MYO18A: variants seen among roughly 807,000 people sequenced by gnomAD.
MYO18A encodes myosin XVIIIA.
MYO18A carries 78 observed loss-of-function variants against 235.8 expected under a neutral mutation model. The observed-to-expected ratio is 0.33, with a 90% confidence interval of 0.28 to 0.40. MYO18A has a LOEUF of 0.40. MYO18A is among the 10% of genes least tolerant of loss of function. The pLI is 1.00. For synonymous variants in MYO18A, 977 were observed against 1,077.8 expected (o/e 0.91, Z 1.83); for missense variants, 2,215 against 2,699.3 (o/e 0.82, Z 3.98).
chr17:29,108,787 G>A (rs535187715), intron 19 of MYO18A, among the ~76,000 whole-genome samples: 1 of 146,848 alleles, frequency 6.8e-6, no homozygotes, highest in Admixed American at 6.9e-5. Context: ...CTGGACGCCT[G>A]GCATCTTAAT....
At chr17:29,084,327 A>G (rs1289011212) in intron 40 of MYO18A, among the ~76,000 whole-genome samples, 3 of 152,210 alleles carry the variant, frequency 2.0e-5, no homozygotes, top group Non-Finnish European at 4.4e-5. Context: ...CAGGGGACAG[A>G]CAGTTGTGGG....
chr17:29,129,263 C>A, intron 2 of MYO18A: 1 of 232,302 alleles, frequency 4.3e-6, no homozygotes, highest in Non-Finnish European at 7.1e-6. Flanking sequence ...CAGGAAGCTT[C>A]CACTTCAGCC....
rs559581636 is a variant in MYO18A, at chr17:29,140,459, C to T, written c.1000-18206G>A. The T allele has an allele frequency of 4.1e-6, 5 of 1,218,346 alleles. No individual in the cohort carries two copies. Among genetic ancestry groups the T allele is most frequent in the Non-Finnish European group, 5.2e-6 (5 of 953,168 alleles). The allele number at this position is 1,218,346 out of a possible 1,614,324, so 75.5% of individuals were successfully genotyped here. On this transcript the variant is annotated intron_variant, in intron 2 of 41. Transcript: ENST00000527372. The surrounding 1 kb of genome is among the most constrained non-coding windows in gnomAD (Gnocchi z 4.2). ...CCCCGCCCAGTTCCCGCCCTCTCCC[C>T]GGCCCCTCCCGTCCCGAGCTGCCCA...
intron 18 of MYO18A, 105 bp from the exon 19 acceptor site, chr17:29,110,206 C>T (rs2066895815): frequency 6.8e-7 from 1 of 1,467,068 alleles, no homozygotes; most frequent in South Asian, 1.3e-5. Context: ...GCAGCGGCCC[C>T]AGCACCAGCC....
In MYO18A at chr17:29,107,156, C is replaced by T. The variant is rs780161975; in HGVS notation, c.3365G>A (p.Arg1122His). Residue 1122 changes from arginine to histidine, a missense_variant, in exon 20 of 42, where the codon CGC (arginine) becomes CAC (histidine). Physicochemically the swap from Arg to His is conservative, Grantham distance 29. Transcript: ENST00000527372. ...YPDHMVFSEFRRRFDVLAPHL... is the reference protein window; with the variant it reads ...YPDHMVFSEFHRRFDVLAPHL... The stretch of plus-strand genomic sequence containing the variant: ...CGGGGCCAGGACATCAAAGCGGCGG[C>T]GGAACTCGGAAAACACCATGTGGTC... The T allele has an allele frequency of 2.9e-5, 46 of 1,613,840 alleles. No individual in the cohort carries two copies. Among genetic ancestry groups the T allele is most frequent in the African/African-American group, 1.3e-4 (10 of 74,894 alleles).
At chr17:29,103,564 G>GTGCC (rs2066708674) in intron 21 of MYO18A, 35 bp downstream of exon 21, 2 of 1,607,588 alleles carry the variant, frequency 1.2e-6, no homozygotes, top group African/African-American at 2.7e-5. Context: ...GGCCCCTGGA[G>GTGCC]TGAGGCCCGA....
intron 40 of MYO18A, 70 bp from the exon 41 acceptor site, chr17:29,082,508 G>T (rs2152724584): frequency 3.3e-6 from 5 of 1,526,314 alleles, no homozygotes; most frequent in East Asian, 4.8e-5. Context: ...AGCAGATGGG[G>T]GTGCAGGGGG....
At chr17:29,076,980 C>T (rs1568031976) in intron 41 of MYO18A, 1 of 152,274 alleles carries the variant, frequency 6.6e-6, no homozygotes, top group South Asian at 2.1e-4. Context: ...CATTGCCTCA[C>T]CTCTTTTTAA....
intron 2 of MYO18A, among the ~76,000 whole-genome samples, chr17:29,127,569 G>A (rs115096389): frequency 6.2e-4 from 94 of 152,312 alleles, no homozygotes; most frequent in African/African-American, 2.2e-3. Flanking sequence ...TCAAGCTGGC[G>A]CCATGTAGCT....
intron 2 of MYO18A, among the ~76,000 whole-genome samples, chr17:29,154,098 CAG>C (rs1491408615): frequency 4.0e-5 from 5 of 124,208 alleles, no homozygotes; most frequent in South Asian, 2.5e-4. Flanking sequence ...CTAAATTCTG[CAG>C]AGTGTGTGTG....
At chr17:29,127,865 C>G (rs1348920295) in intron 2 of MYO18A, 2 of 989,160 alleles carry the variant, frequency 2.0e-6, no homozygotes, top group African/African-American at 1.7e-5. Context: ...CTGCTTCACA[C>G]CAGGGACTGG....
intron 37 of MYO18A, among the ~76,000 whole-genome samples, chr17:29,089,754 G>C (rs190347108): frequency 1.3e-4 from 20 of 152,238 alleles, no homozygotes; most frequent in Non-Finnish European, 2.6e-4. Flanking sequence ...CACGGAAACA[G>C]AATGTAAAGC....
chr17:29,118,571 A>C lies in MYO18A; in HGVS notation c.1830-131T>G. The C allele has an allele frequency of 1.3e-6, 1 of 773,282 alleles. No individual in the cohort carries two copies. The highest frequency in any genetic ancestry group is 2.1e-6 in the Non-Finnish European group (1 of 470,826). The allele number at this position is 773,282 out of a possible 1,614,324, so 47.9% of individuals were successfully genotyped here. A position where few individuals can be genotyped will look rare whatever the true frequency, so the allele number is the denominator to read the frequency against. ...TCTGCCCATCATCCCATCATCCCCA[A>C]CTGGCGGGCCAGCTGTCACTGCTTT... On this transcript the variant is annotated intron_variant, in intron 8 of 41. Transcript: ENST00000527372. This position sits in a 1 kb window ranked among gnomAD's most constrained non-coding sequence, Gnocchi z 4.2.
In MYO18A at chr17:29,103,069, G is replaced by A. The variant is rs1246600904; in HGVS notation, c.3507+530C>T. On this transcript the variant is annotated intron_variant, in intron 21 of 41. Coordinates refer to ENST00000527372, the MANE Select transcript of MYO18A (RefSeq NM_078471.4). ...GTGACGTGGCAGACTGGCACCCAGG[G>A]GCCAGCGTGCCTGCATTTTACGCAT... Among the ~76,000 whole-genome samples, 2 of 152,254 alleles carry A rather than the reference G, an allele frequency of 1.3e-5. 1 individual carries two copies. The highest frequency in any genetic ancestry group is 4.8e-5 in the African/African-American group (2 of 41,462).
intron 2 of MYO18A, among the ~76,000 whole-genome samples, chr17:29,129,665 G>A (rs776493363): frequency 1.3e-5 from 2 of 152,236 alleles, no homozygotes; most frequent in Non-Finnish European, 2.9e-5. Flanking sequence ...ACTGGGCTCC[G>A]TGAAGGCCCA....
chr17:29,090,173 A>G, intron 36 of MYO18A, 75 bp from the exon 37 acceptor site: 7 of 1,510,040 alleles, frequency 4.6e-6, no homozygotes, highest in Admixed American at 2.1e-5. Flanking sequence ...GGCAGGCAAT[A>G]TCACCACAGT....
In MYO18A at chr17:29,178,989, G is replaced by A. The variant is rs141128847; in HGVS notation, c.-82+1324C>T. Among the ~76,000 whole-genome samples the A allele has an allele frequency of 2.5e-4, 38 of 152,288 alleles. No individual in the cohort carries two copies. In the East Asian group the frequency reaches 3.7e-3, roughly 15 times the overall value. ...ATGAGGCCTTCTCGGCCACAGACAC[G>A]CCAGGGGCTCCAAAAGACAAGACGA... On this transcript the variant is annotated intron_variant, in intron 1 of 41. Coordinates refer to ENST00000527372, the MANE Select transcript of MYO18A (RefSeq NM_078471.4).
chr17:29,140,516 T>TGATACCTGGTATCAGGTATAC lies in MYO18A; in HGVS notation c.1000-18264_1000-18263insGTATACCTGATACCAGGTATC. On this transcript the variant is annotated intron_variant, in intron 2 of 41. Coordinates refer to ENST00000527372, the MANE Select transcript of MYO18A (RefSeq NM_078471.4). This position sits in a 1 kb window ranked among gnomAD's most constrained non-coding sequence, Gnocchi z 4.2. ...GTTGGAGCCAGCAGCCCGGAGGACT[T>TGATACCTGGTATCAGGTATAC]CGGGTATCAGGTATGCCAGGAGGGA... The TGATACCTGGTATCAGGTATAC allele has an allele frequency of 1.1e-6, 1 of 869,780 alleles. No homozygotes were observed. The highest frequency in any genetic ancestry group is 1.8e-5 in the South Asian group (1 of 55,348). The allele number at this position is 869,780 out of a possible 1,614,324, so 53.9% of individuals were successfully genotyped here. A position where few individuals can be genotyped will look rare whatever the true frequency, so the allele number is the denominator to read the frequency against.
Position 29,120,961 on chromosome 17 carries a change from AC to A in MYO18A, c.1585+36del. The A allele has an allele frequency of 1.3e-6, 2 of 1,588,496 alleles. No individual in the cohort carries two copies. The highest frequency in any genetic ancestry group is 2.1e-4 in the Middle Eastern group (1 of 4,674). On this transcript the variant is annotated intron_variant, in intron 6 of 41. Coordinates refer to ENST00000527372, the MANE Select transcript of MYO18A (RefSeq NM_078471.4). The surrounding 1 kb of genome is among the most constrained non-coding windows in gnomAD (Gnocchi z 4.2). ...GCTCTCTCCTCACTCCCCTCCCCTC[AC>A]CCCACTTTCAGTTTTCTCCCTTGTC...
Sources: allele counts gnomAD v4.1 joint callset (sites outside exome capture counted in the v4.1 genomes callset), GRCh38; gene constraint gnomAD v4.1.1; non-coding constraint Gnocchi (gnomAD v3.1); transcripts MANE v1.5; gene names NCBI Gene and HGNC (gene_info 2026-07-23, HGNC 2026-07-21).